HORMAD2: variants seen among roughly 807,000 people sequenced by gnomAD.
HORMAD2 encodes the protein HORMA domain-containing protein 2.
HORMAD2 carries 45 observed loss-of-function variants against 38.8 expected under a neutral mutation model. The observed-to-expected ratio is 1.16, with a 90% CI of 0.91 to 1.49. HORMAD2 has a LOEUF of 1.49. HORMAD2 is among the 40% of genes most tolerant of loss of function. The pLI is 0.00. For missense variants in HORMAD2, 338 were observed against 367.0 expected (o/e 0.92, Z 0.65); for synonymous variants, 126 against 122.8 (o/e 1.03, Z -0.17).
chr22:30,118,218 C>T (rs1922190327), intron 7 of HORMAD2, among the ~76,000 whole-genome samples: 1 of 152,184 alleles, frequency 6.6e-6, no homozygotes, highest in Non-Finnish European at 1.5e-5. Flanking sequence ...CCTTTATCAC[C>T]TCATTTCCTG....
intron 10 of HORMAD2, among the ~76,000 whole-genome samples, chr22:30,172,289 C>T (rs1358839433): frequency 2.0e-5 from 3 of 152,168 alleles, no homozygotes; most frequent in Non-Finnish European, 4.4e-5. Flanking sequence ...AGGTCCCAAA[C>T]ACCTAGAAGA....
chr22:30,129,901 G>A (rs1438991711), intron 10 of HORMAD2, among the ~76,000 whole-genome samples: 1 of 152,112 alleles, frequency 6.6e-6, no homozygotes, highest in East Asian at 1.9e-4. Context: ...CAGTATGGTA[G>A]CATCAGAAAT....
At chr22:30,200,332 A>G in the HORMAD2 span, among the ~76,000 whole-genome samples, 8,542 of 152,288 alleles carry the variant, frequency 0.056, 342 homozygotes, top group Non-Finnish European at 0.084. Flanking sequence ...GAATTTTCCC[A>G]TGTAACAATG....
In HORMAD2 at chr22:30,103,483, A is replaced by G. The variant is rs75399759; in HGVS notation, c.240A>G (p.Ser80=). 235 of 1,524,146 alleles carry G rather than the reference A, an allele frequency of 1.5e-4. No homozygotes were observed. In the African/African-American group the frequency reaches 3.0e-3, roughly 19 times the overall value. 94.4% of individuals were successfully genotyped at this position (1,524,146 alleles called of 1,614,324 possible). Residue 80 remains serine (S), a synonymous_variant, in exon 4 of 11, where the codon TCA becomes TCG. Transcript: ENST00000336726. ...GAGAAGATAAAAAATGTCCCGGGTC[A>G]CTGCATATTATCAGATGGTAAGTAA... ...ILREDKKCPG[S]LHIIRWIQGC... is the part of the protein sequence containing the mutation.
intron 10 of HORMAD2, among the ~76,000 whole-genome samples, chr22:30,135,613 A>C (rs964345452): frequency 2.8e-4 from 43 of 152,280 alleles, no homozygotes; most frequent in Admixed American, 1.5e-3. Flanking sequence ...AAAACTGGCA[A>C]CTTAACAATT....
At chr22:30,182,169 G>A in the HORMAD2 span, among the ~76,000 whole-genome samples, 1 of 152,182 alleles carries the variant, frequency 6.6e-6, no homozygotes, top group East Asian at 1.9e-4. Context: ...CAATTTTAAT[G>A]TTTTACTTGC....
chr22:30,161,837 A>G (rs1430288402), intron 10 of HORMAD2, among the ~76,000 whole-genome samples: 4 of 152,192 alleles, frequency 2.6e-5, no homozygotes, highest in Non-Finnish European at 5.9e-5. Context: ...AGTAATAAAA[A>G]TGTTGATTAT....
Position 30,176,364 on chromosome 22 carries a change from G to A in HORMAD2, c.*197G>A. The A allele has an allele frequency of 1.9e-6, 1 of 527,092 alleles. No individual in the cohort carries two copies. Among genetic ancestry groups the A allele is most frequent in the Non-Finnish European group, 3.4e-6 (1 of 295,356 alleles). The allele number at this position is 527,092 out of a possible 1,614,324, so 32.7% of individuals were successfully genotyped here. On this transcript the variant is annotated 3_prime_UTR_variant, in exon 11 of 11. Transcript: ENST00000336726. ...AGTCCACTTTGCCATAAGGAAAGCG[G>A]GTCAATAGGGCTGCCTCTGGATAGC...
chr22:30,093,965 C>G lies in HORMAD2; in HGVS notation c.13C>G (p.Gln5Glu), dbSNP rs2068737531. 1.9e-6 allele frequency: 3 copies of G among 1,606,918 alleles called. No homozygotes were observed. The highest frequency in any genetic ancestry group is 2.6e-6 in the Non-Finnish European group (3 of 1,175,636). ...ATACATTCCTACAATGGCCACTGCTCAGCTTTCTCACTGCATCACAATACA... is the reference window on the plus strand; with the variant it reads ...ATACATTCCTACAATGGCCACTGCTGAGCTTTCTCACTGCATCACAATACA... MATA[Q>E]LSHCITIHKA... is the part of the protein sequence containing the mutation. The change falls in exon 2 of 11, where the codon CAG becomes GAG. Residue 5 changes from glutamine (Q) to glutamate (E), a missense_variant. Physicochemically the swap from Gln to Glu is conservative, Grantham distance 29. Transcript: ENST00000336726.
chr22:30,206,128 C>G, the HORMAD2 span, among the ~76,000 whole-genome samples: 1 of 150,378 alleles, frequency 6.6e-6, no homozygotes, highest in Non-Finnish European at 1.5e-5. Flanking sequence ...CCCCCCGCCT[C>G]CATTTACAGA....
intron 10 of HORMAD2, among the ~76,000 whole-genome samples, chr22:30,142,865 C>T (rs1924172492): frequency 1.3e-5 from 2 of 152,096 alleles, no homozygotes; most frequent in Non-Finnish European, 2.9e-5. Context: ...TAGGGCTTAT[C>T]ATGCACATCC....
intron 10 of HORMAD2, among the ~76,000 whole-genome samples, chr22:30,138,991 A>C (rs1923862881): frequency 7.6e-6 from 1 of 131,554 alleles, no homozygotes; most frequent in African/African-American, 2.9e-5. Flanking sequence ...GATCTCATTG[A>C]ATTTGTTGAA....
At chr22:30,164,810 T>C (rs1925677149) in intron 10 of HORMAD2, among the ~76,000 whole-genome samples, 1 of 152,140 alleles carries the variant, frequency 6.6e-6, no homozygotes, top group East Asian at 1.9e-4. Context: ...GGTTGTTTTG[T>C]TGTTGTTGAG....
rs1403584908 is a variant in HORMAD2 at position 30,159,687 on chromosome 22, G to A, written c.820-16376G>A. Among the ~76,000 whole-genome samples the A allele has an allele frequency of 2.0e-5, 3 of 152,162 alleles. No homozygotes were observed. The East Asian group carries it at 5.8e-4, about 29-fold the overall frequency. ...GACAGAAATGTGAATGACACCCCTG[G>A]GGTTGAGCAACGCCTGGCAGCCCTG... On this transcript the variant is annotated intron_variant, in intron 10 of 10. Coordinates refer to ENST00000336726, the MANE Select transcript of HORMAD2 (RefSeq NM_152510.4).
intron 7 of HORMAD2, 99 bp downstream of exon 7, chr22:30,112,621 A>G (rs900365514): frequency 6.1e-6 from 3 of 489,710 alleles, no homozygotes; most frequent in Non-Finnish European, 1.1e-5. Flanking sequence ...CTAGACTACC[A>G]TATGAGCAGA....
chr22:30,138,099 C>T (rs546095558), intron 10 of HORMAD2, among the ~76,000 whole-genome samples: 1 of 152,200 alleles, frequency 6.6e-6, no homozygotes, highest in African/African-American at 2.4e-5. Flanking sequence ...TTCTAGCCAT[C>T]CTAGTGGGTG....
chr22:30,199,894 G>A, the HORMAD2 span, among the ~76,000 whole-genome samples: 2 of 151,942 alleles, frequency 1.3e-5, no homozygotes, highest in Middle Eastern at 3.4e-3. Context: ...TGGATCACTC[G>A]AGGCCAGGAG....
the HORMAD2 span, among the ~76,000 whole-genome samples, chr22:30,199,006 TCAGGAACCTTTGGGGGCTGGCA>T: frequency 6.6e-6 from 1 of 152,168 alleles, no homozygotes; most frequent in East Asian, 1.9e-4. Flanking sequence ...TTGGGAACCC[TCAGGAACCTTTGGGGGCTGGCA>T]CAGAGCTTGG....
Position 30,085,038 on chromosome 22 carries a change from C to T in HORMAD2, c.-38+4547C>T, listed in dbSNP as rs181269284. On this transcript the variant is annotated intron_variant, in intron 1 of 10. Transcript: ENST00000336726. Reference sequence around the variant, plus strand: ...GCAGTCGCCTGTAGTCCCAGCTACTCGGGAGGCTGAGGCAGGAGGGTGGCA... The same window carrying T: ...GCAGTCGCCTGTAGTCCCAGCTACTTGGGAGGCTGAGGCAGGAGGGTGGCA... 1.2e-3 allele frequency among the ~76,000 whole-genome samples: 184 copies of T among 151,340 alleles called. 1 individual carries two copies. Among genetic ancestry groups the T allele is most frequent in the Non-Finnish European group, 2.1e-3 (141 of 67,874 alleles).
Sources: allele counts gnomAD v4.1 joint callset (sites outside exome capture counted in the v4.1 genomes callset), GRCh38; gene constraint gnomAD v4.1.1; transcripts MANE v1.5; gene names NCBI Gene and HGNC (gene_info 2026-07-23, HGNC 2026-07-21).